OXR1: variants seen among roughly 807,000 people sequenced by gnomAD.
The protein encoded by OXR1 is oxidation resistance 1, also known as oxidation resistance protein 1.
Under a neutral mutation model 104.6 loss-of-function variants are expected in OXR1, and 41 were observed. The observed-to-expected ratio is 0.39, with a 90% CI of 0.31 to 0.51. The LOEUF is 0.51. Ranked by LOEUF, OXR1 falls within the 20% of genes least tolerant of loss-of-function variation. The probability of loss-of-function intolerance (pLI) is 0.77; values close to 1 mark genes in which losing one functional copy is unlikely to be tolerated. For missense variants in OXR1, 955 were observed against 1,031.9 expected (o/e 0.93, Z 1.02); for synonymous variants, 348 against 348.4 (o/e 1.00, Z 0.01).
intron 1 of OXR1, among the ~76,000 whole-genome samples, chr8:106,281,541 G>A (rs940795640): frequency 6.6e-6 from 1 of 152,154 alleles, no homozygotes; most frequent in Non-Finnish European, 1.5e-5. Context: ...GGTGGCTCAC[G>A]CCTGTAATCC....
chr8:106,382,380 T>C (rs971017350), intron 2 of OXR1, among the ~76,000 whole-genome samples: 10 of 152,222 alleles, frequency 6.6e-5, no homozygotes, highest in Non-Finnish European at 1.3e-4. Flanking sequence ...TAATGTCTTA[T>C]GTTCTCATGG....
chr8:106,450,794 G>A (rs985078718), intron 2 of OXR1, among the ~76,000 whole-genome samples: 1 of 151,318 alleles, frequency 6.6e-6, no homozygotes, highest in Non-Finnish European at 1.5e-5. Context: ...TAGTTTTAAG[G>A]CAAAGCAAAG....
At chr8:106,673,337 G>A (rs965279382) in intron 3 of OXR1, among the ~76,000 whole-genome samples, 1 of 152,168 alleles carries the variant, frequency 6.6e-6, no homozygotes, top group Non-Finnish European at 1.5e-5. Context: ...TAGAACGTGA[G>A]AGAGATGAAA....
intron 2 of OXR1, among the ~76,000 whole-genome samples, chr8:106,379,537 CTT>C (rs60855438): frequency 1.8e-5 from 2 of 108,394 alleles, no homozygotes; most frequent in Non-Finnish European, 1.8e-5. Flanking sequence ...TTCTTTCTTT[CTT>C]TTTTTTTTTT....
At chr8:106,521,486 G>T (rs1290439662) in intron 3 of OXR1, among the ~76,000 whole-genome samples, 3 of 148,112 alleles carry the variant, frequency 2.0e-5, no homozygotes, top group Admixed American at 1.4e-4. Flanking sequence ...ACTCTCAAAG[G>T]TTGCCATCCC....
intron 3 of OXR1, among the ~76,000 whole-genome samples, chr8:106,552,124 G>A (rs961538960): frequency 1.3e-5 from 2 of 151,914 alleles, no homozygotes; most frequent in African/African-American, 4.8e-5. Context: ...TACCGAATCA[G>A]CTAGGGTGAT....
intron 1 of OXR1, among the ~76,000 whole-genome samples, chr8:106,285,625 G>A (rs1334315479): frequency 6.6e-6 from 1 of 151,906 alleles, no homozygotes; most frequent in African/African-American, 2.4e-5. Context: ...TATTCACCAG[G>A]TACTTATTAT....
intron 2 of OXR1, among the ~76,000 whole-genome samples, chr8:106,453,906 C>T (rs1820461168): frequency 1.3e-5 from 2 of 152,180 alleles, no homozygotes; most frequent in South Asian, 4.1e-4. Flanking sequence ...CATTATTTTA[C>T]ACACTGCTAA....
In OXR1 at chr8:106,333,827, T is replaced by C. The variant is rs188738028; in HGVS notation, c.-138-25649T>C. On this transcript the variant is annotated intron_variant, in intron 1 of 16. Transcript: ENST00000517566. ...TATAGATTACTGACCTTTATGCTTA[T>C]CCTATGCCAATACCACACTGTTTTT... 1.9e-3 allele frequency among the ~76,000 whole-genome samples: 285 copies of C among 152,258 alleles called. 1 individual carries two copies. Among genetic ancestry groups the C allele is most frequent in the African/African-American group, 5.4e-3 (225 of 41,576 alleles).
At chr8:106,739,353 G>C (rs1476336390) in intron 12 of OXR1, 105 bp from the exon 13 acceptor site, 1 of 998,090 alleles carries the variant, frequency 1.0e-6, no homozygotes, top group African/African-American at 1.6e-5. Context: ...TAAAGATTTA[G>C]CCACATTTTC....
chr8:106,750,324 CTTTTTTTT>C (rs35858491), intron 16 of OXR1, among the ~76,000 whole-genome samples: 1 of 138,202 alleles, frequency 7.2e-6, no homozygotes, highest in Non-Finnish European at 1.5e-5. Flanking sequence ...CTTTTCTTTT[CTTTTTTTT>C]TTTTTTTTTT....
chr8:106,512,291 T>C (rs1400777686), intron 2 of OXR1, among the ~76,000 whole-genome samples: 1 of 152,182 alleles, frequency 6.6e-6, no homozygotes, highest in Non-Finnish European at 1.5e-5. Context: ...TTATTCTCAA[T>C]GTACACAGTG....
At chr8:106,390,175 A>T (rs530650807) in intron 2 of OXR1, among the ~76,000 whole-genome samples, 4 of 152,330 alleles carry the variant, frequency 2.6e-5, no homozygotes, top group Middle Eastern at 3.4e-3. Context: ...ATGTTATAAT[A>T]AGTAATATAC....
chr8:106,513,307 C>A (rs1319259934), intron 2 of OXR1, among the ~76,000 whole-genome samples: 1 of 151,990 alleles, frequency 6.6e-6, no homozygotes, highest in Non-Finnish European at 1.5e-5. Context: ...CAAGATCCCT[C>A]CTCAAATTGC....
At chr8:106,331,868 G>T (rs1269002048) in intron 1 of OXR1, among the ~76,000 whole-genome samples, 1 of 151,700 alleles carries the variant, frequency 6.6e-6, no homozygotes, top group Non-Finnish European at 1.5e-5. Context: ...AACCCAGGAG[G>T]CAGAGGTTGT....
At chr8:106,587,470 T>C (rs965063223) in intron 3 of OXR1, among the ~76,000 whole-genome samples, 1 of 151,920 alleles carries the variant, frequency 6.6e-6, no homozygotes, top group Non-Finnish European at 1.5e-5. Flanking sequence ...CTCATAAATA[T>C]CTTAGCAAAG....
chr8:106,590,994 C>G (rs1819036761), intron 3 of OXR1, among the ~76,000 whole-genome samples: 1 of 151,886 alleles, frequency 6.6e-6, no homozygotes, highest in South Asian at 2.1e-4. Flanking sequence ...GATAAGCTTG[C>G]CCTGTGGGGA....
chr8:106,446,076 G>A (rs1233477006), intron 2 of OXR1, among the ~76,000 whole-genome samples: 1 of 152,144 alleles, frequency 6.6e-6, no homozygotes, highest in Non-Finnish European at 1.5e-5. Flanking sequence ...TCCAGTCCAG[G>A]CAGATGAATG....
At chr8:106,513,265 G>T (rs1424425378) in intron 2 of OXR1, among the ~76,000 whole-genome samples, 1 of 152,044 alleles carries the variant, frequency 6.6e-6, no homozygotes, top group African/African-American at 2.4e-5. Flanking sequence ...GTTGAAATGG[G>T]ATTGAACCCT....
Sources: allele counts gnomAD v4.1 joint callset (sites outside exome capture counted in the v4.1 genomes callset), GRCh38; gene constraint gnomAD v4.1.1; transcripts MANE v1.5; gene names NCBI Gene and HGNC (gene_info 2026-07-23, HGNC 2026-07-21).